TIAM1: variants seen among roughly 807,000 people sequenced by gnomAD.
The protein encoded by TIAM1 is TIAM Rac1 associated GEF 1.
Under a neutral mutation model 163.5 loss-of-function variants are expected in TIAM1, and 65 were observed. The ratio of observed to expected loss-of-function variants is 0.40; its 90% CI spans 0.33 to 0.49. TIAM1 has a LOEUF of 0.49. TIAM1 is among the 20% of genes least tolerant of loss of function. The pLI is 0.77. For synonymous variants in TIAM1, 833 were observed against 810.1 expected (o/e 1.03, Z -0.48); for missense variants, 1,789 against 2,044.7 (o/e 0.87, Z 2.41).
At chr21:31,447,020 T>A (rs1433168528) in intron 2 of TIAM1, among the ~76,000 whole-genome samples, 1 of 152,188 alleles carries the variant, frequency 6.6e-6, no homozygotes, top group Non-Finnish European at 1.5e-5. Flanking sequence ...GTATCATTCT[T>A]ACCCCTATGA....
intron 1 of TIAM1, among the ~76,000 whole-genome samples, chr21:31,521,923 G>C (rs1029836803): frequency 6.6e-6 from 1 of 152,106 alleles, no homozygotes; most frequent in South Asian, 2.1e-4. Flanking sequence ...CCAGGCTGGA[G>C]TGCAGTTGTG....
At chr21:31,345,267 T>G (rs1350429557), upstream of TIAM1, among the ~76,000 whole-genome samples, 1 of 152,016 alleles carries the variant, frequency 6.6e-6, no homozygotes, top group Non-Finnish European at 1.5e-5. Flanking sequence ...AGGATACTCA[T>G]CCATACTGCA....
chr21:31,264,362 T>C (rs986400867), intron 4 of TIAM1, among the ~76,000 whole-genome samples: 1 of 152,008 alleles, frequency 6.6e-6, no homozygotes, highest in Non-Finnish European at 1.5e-5. Flanking sequence ...CTACCCCGAG[T>C]CCTCAACCCA....
intron 2 of TIAM1, among the ~76,000 whole-genome samples, chr21:31,316,548 G>A (rs2075128833): frequency 6.6e-6 from 1 of 152,128 alleles, no homozygotes; most frequent in South Asian, 2.1e-4. Flanking sequence ...AAGCTCTGTC[G>A]CTAAGAAGTA....
intron 2 of TIAM1, among the ~76,000 whole-genome samples, chr21:31,332,656 A>G (rs1315623653): frequency 1.3e-5 from 2 of 151,792 alleles, no homozygotes; most frequent in Non-Finnish European, 2.9e-5. Context: ...AGCAGGAACC[A>G]TTTCTAGCAG....
chr21:31,545,630 C>G (rs2048462402), intron 1 of TIAM1, among the ~76,000 whole-genome samples: 1 of 152,156 alleles, frequency 6.6e-6, no homozygotes. Context: ...GCACTCAACC[C>G]TCCAAGGTCA....
At chr21:31,260,009 C>T (rs1358590719) in intron 4 of TIAM1, among the ~76,000 whole-genome samples, 1 of 150,402 alleles carries the variant, frequency 6.6e-6, no homozygotes, top group Non-Finnish European at 1.5e-5. Flanking sequence ...TGTGATCTAG[C>T]TCATGAAAGC....
chr21:31,428,242 T>C (rs1276211847), intron 2 of TIAM1, among the ~76,000 whole-genome samples: 1 of 151,790 alleles, frequency 6.6e-6, no homozygotes. Context: ...GTAACAGGAG[T>C]GAAATCCCAT....
intron 1 of TIAM1, among the ~76,000 whole-genome samples, chr21:31,497,310 C>G (rs1175537976): frequency 6.6e-6 from 1 of 152,210 alleles, no homozygotes; most frequent in African/African-American, 2.4e-5. Context: ...ATTCTTGCTA[C>G]TTTTCTGTAA....
intron 2 of TIAM1, among the ~76,000 whole-genome samples, chr21:31,349,990 A>G (rs903246945): frequency 2.6e-5 from 4 of 152,262 alleles, no homozygotes; most frequent in Non-Finnish European, 5.9e-5. Context: ...CAATCAGGAA[A>G]TAAGCCAACC....
chr21:31,185,501 A>G (rs548756779), intron 14 of TIAM1, among the ~76,000 whole-genome samples: 2 of 143,250 alleles, frequency 1.4e-5, no homozygotes, highest in African/African-American at 5.1e-5. Flanking sequence ...TTATATGCTT[A>G]TATATTTATA....
In TIAM1 at chr21:31,251,985, C is replaced by T; in HGVS notation, c.1168G>A (p.Glu390Lys). ...CTGTTGGTGGTGCTCATCTCCAGCT[C>T]CCGCCGGAAGTTCTCGTACACCCCC... Reference protein sequence around the residue: ...RQGVYENFRRELEMSTTNSES... With the variant: ...RQGVYENFRRKLEMSTTNSES... The change falls in exon 5 of 28, where the codon GAG (glutamate) becomes AAG (lysine). Residue 390 changes from glutamate (E) to lysine (K), a missense_variant. Transcript: ENST00000541036. 6.2e-7 allele frequency: 1 copy of T among 1,613,982 alleles called. No homozygotes were observed. The highest frequency in any genetic ancestry group is 8.5e-7 in the Non-Finnish European group (1 of 1,179,924).
intron 2 of TIAM1, among the ~76,000 whole-genome samples, chr21:31,461,426 G>C (rs1431387448): frequency 6.6e-6 from 1 of 152,150 alleles, no homozygotes; most frequent in Non-Finnish European, 1.5e-5. Flanking sequence ...GGAGGTTGGA[G>C]TAAACTGAGA....
intron 1 of TIAM1, among the ~76,000 whole-genome samples, chr21:31,496,093 G>A (rs1490348187): frequency 6.6e-6 from 1 of 152,164 alleles, no homozygotes; most frequent in African/African-American, 2.4e-5. Context: ...CTAGGCCAAT[G>A]AGTATGTCCG....
intron 15 of TIAM1, among the ~76,000 whole-genome samples, chr21:31,173,544 G>GAGAA (rs1183095980): frequency 3.3e-5 from 5 of 151,852 alleles, no homozygotes; most frequent in Non-Finnish European, 7.4e-5. Context: ...GAGAGAGAGA[G>GAGAA]AGAGAGAGAA....
At chr21:31,557,649 A>AC (rs2048927296) in intron 1 of TIAM1, among the ~76,000 whole-genome samples, 1 of 152,130 alleles carries the variant, frequency 6.6e-6, no homozygotes, top group Non-Finnish European at 1.5e-5. Context: ...CCCGATCCGG[A>AC]CGGCTCTGAC....
At chr21:31,355,795 G>T (rs1056248938) in intron 2 of TIAM1, among the ~76,000 whole-genome samples, 6 of 148,338 alleles carry the variant, frequency 4.0e-5, no homozygotes, top group Non-Finnish European at 8.9e-5. Context: ...CAAGTGATCT[G>T]CCCGCCTCGG....
intron 16 of TIAM1, among the ~76,000 whole-genome samples, chr21:31,155,184 C>T (rs571615643): frequency 9.7e-4 from 148 of 152,290 alleles, no homozygotes; most frequent in African/African-American, 3.4e-3. Context: ...CCATTTGAAA[C>T]GTAGGATTCC....
intron 1 of TIAM1, among the ~76,000 whole-genome samples, chr21:31,465,406 T>G (rs1047757881): frequency 6.6e-6 from 1 of 151,880 alleles, no homozygotes; most frequent in African/African-American, 2.4e-5. Flanking sequence ...AGCTAATATA[T>G]TCTCTTAATA....
Sources: allele counts gnomAD v4.1 joint callset (sites outside exome capture counted in the v4.1 genomes callset), GRCh38; gene constraint gnomAD v4.1.1; transcripts MANE v1.5; gene names NCBI Gene and HGNC (gene_info 2026-07-23, HGNC 2026-07-21).